Variants in LARS2 observed in about 807,000 individuals in gnomAD.
LARS2 encodes leucine--tRNA ligase, mitochondrial.
A neutral mutation model predicts 116.6 loss-of-function variants in LARS2; 81 were observed. The ratio of observed to expected loss-of-function variants is 0.69; its 90% CI spans 0.58 to 0.84. The LOEUF is 0.84. Ranked by LOEUF, LARS2 falls within the 40% of genes least tolerant of loss-of-function variation. The pLI, the probability that LARS2 is intolerant of heterozygous loss-of-function variation, is 0.00. For synonymous variants in LARS2, 396 were observed against 407.2 expected, an observed-to-expected ratio of 0.97 and a Z score of 0.33; for missense variants, 968 against 1,114.5, an observed-to-expected ratio of 0.87 and a Z score of 1.87.
chr3:45,434,948 A>G (rs918270902), intron 6 of LARS2, among the ~76,000 whole-genome samples: 1 of 152,202 alleles, frequency 6.6e-6, no homozygotes. Flanking sequence ...CAGCTGCCCA[A>G]GCTATAATTG....
In LARS2 at chr3:45,541,845, G is replaced by A. The variant is rs777901333; in HGVS notation, c.2421G>A (p.Pro807=). Residue 807 remains proline, a synonymous_variant, in exon 21 of 22, where the codon CCG becomes CCA. Coordinates refer to ENST00000645846, the MANE Select transcript of LARS2 (RefSeq NM_015340.4). ...GCATTGCAGGCCTGGCGCTGGTGCC[G>A]AGGAAGCTCTGTGCCCACTACACTT... ...SEIWAGLALV[P]RKLCAHYTWD... 5.1e-5 allele frequency: 82 copies of A among 1,614,040 alleles called. No individual in the cohort carries two copies. Among genetic ancestry groups the A allele is most frequent in the Middle Eastern group, 1.6e-4 (1 of 6,084 alleles).
At chr3:45,416,890 T>C (rs1261838170) in intron 4 of LARS2, among the ~76,000 whole-genome samples, 2 of 151,820 alleles carry the variant, frequency 1.3e-5, no homozygotes, top group Non-Finnish European at 2.9e-5. Context: ...CTGGCTGACA[T>C]GGTGAAACCC....
chr3:45,534,302 G>T (rs1475904460), intron 20 of LARS2, among the ~76,000 whole-genome samples: 2 of 152,012 alleles, frequency 1.3e-5, no homozygotes, highest in Non-Finnish European at 2.9e-5. Flanking sequence ...GAGAGAATGG[G>T]GAAATGATGC....
chr3:45,393,808 A>G (rs893049005), intron 2 of LARS2, among the ~76,000 whole-genome samples: 1 of 152,182 alleles, frequency 6.6e-6, no homozygotes, highest in South Asian at 2.1e-4. Context: ...TGAGTGAAAG[A>G]GCAGGACCCT....
At chr3:45,444,420 T>A (rs2125702687) in intron 6 of LARS2, among the ~76,000 whole-genome samples, 1 of 149,040 alleles carries the variant, frequency 6.7e-6, no homozygotes, top group Middle Eastern at 3.4e-3. Context: ...TCCCAGCACT[T>A]TGGGAGGCCG....
chr3:45,496,157 C>G (rs1246140278), intron 13 of LARS2, 118 bp from the exon 14 acceptor site: 5 of 784,142 alleles, frequency 6.4e-6, no homozygotes, highest in African/African-American at 3.4e-5. Flanking sequence ...CCACACCCAG[C>G]CTGTGGCTTT....
chr3:45,414,655 G>A (rs1407532410), intron 4 of LARS2, among the ~76,000 whole-genome samples: 3 of 152,020 alleles, frequency 2.0e-5, no homozygotes, highest in Non-Finnish European at 2.9e-5. Flanking sequence ...CTGGCAGCCA[G>A]GAGTTCGAGA....
intron 20 of LARS2, among the ~76,000 whole-genome samples, chr3:45,527,832 G>A (rs1438001157): frequency 6.6e-6 from 1 of 152,172 alleles, no homozygotes; most frequent in Non-Finnish European, 1.5e-5. Context: ...CAGTGTGACT[G>A]TCTGATGTTG....
chr3:45,493,334 C>T (rs113243959), intron 13 of LARS2, among the ~76,000 whole-genome samples: 5 of 152,288 alleles, frequency 3.3e-5, no homozygotes, highest in African/African-American at 9.6e-5. Context: ...CTCCTGACCT[C>T]GTGTTCTGCC....
At chr3:45,534,264 A>G (rs1231366142) in intron 20 of LARS2, among the ~76,000 whole-genome samples, 1 of 152,136 alleles carries the variant, frequency 6.6e-6, no homozygotes, top group African/African-American at 2.4e-5. Context: ...CCCCTAGGTC[A>G]TTACTCATGG....
rs146462942 is a variant in LARS2 at position 45,413,413 on chromosome 3, A to G, written c.364-4069A>G. Among the ~76,000 whole-genome samples the G allele has an allele frequency of 2.4e-4, 37 of 152,390 alleles. No individual in the cohort carries two copies. In the South Asian group the frequency reaches 4.6e-3, roughly 19 times the overall value. ...GGGTGCCTGTGCTGTGCCGGGCACC[A>G]TGCTAGATGTGCCACAGACATCATG... is the stretch of plus-strand genomic sequence containing the variant. On this transcript the variant is annotated intron_variant, in intron 4 of 21. Transcript: ENST00000645846.
At chr3:45,477,949 G>C (rs1401860213) in intron 10 of LARS2, among the ~76,000 whole-genome samples, 1 of 152,116 alleles carries the variant, frequency 6.6e-6, no homozygotes, top group Non-Finnish European at 1.5e-5. Flanking sequence ...TTTCTAAAGA[G>C]CCTGCTGCAT....
intron 5 of LARS2, among the ~76,000 whole-genome samples, chr3:45,418,470 G>T (rs1395237715): frequency 6.6e-6 from 1 of 152,180 alleles, no homozygotes; most frequent in Non-Finnish European, 1.5e-5. Context: ...GTGATAAAAA[G>T]AGGAGGAAAT....
chr3:45,399,120 G>C (rs564391935), intron 3 of LARS2, among the ~76,000 whole-genome samples: 34 of 152,204 alleles, frequency 2.2e-4, no homozygotes, highest in African/African-American at 7.5e-4. Flanking sequence ...CTGGTCTGAG[G>C]CTGCTTATTT....
chr3:45,408,599 A>C (rs555225166), intron 4 of LARS2, among the ~76,000 whole-genome samples: 2 of 152,312 alleles, frequency 1.3e-5, no homozygotes, highest in East Asian at 3.9e-4. Context: ...GAGAGGCCAG[A>C]AAATTTCTCT....
chr3:45,491,863 G>T (rs768210296), intron 13 of LARS2, 63 bp downstream of exon 13: 13 of 1,480,532 alleles, frequency 8.8e-6, no homozygotes, highest in South Asian at 1.2e-5. Flanking sequence ...TAGGGCTTCA[G>T]ACAGCCTCCT....
At position 45,394,598 on chromosome 3, in the gene LARS2, A is replaced by AAAG; in HGVS notation, c.147_149dup (p.Glu50dup). ...CTACAGTGCCACGGGAAAGTGGACA[A>AAAG]AAGAGTATACATTGCAGACAAGAAA... On this transcript the variant is annotated inframe_insertion, in exon 3 of 22. Coordinates refer to ENST00000645846, the MANE Select transcript of LARS2 (RefSeq NM_015340.4). 1 of 1,614,232 alleles carries AAAG rather than the reference A, an allele frequency of 6.2e-7. No homozygotes were observed. The highest frequency in any genetic ancestry group is 8.5e-7 in the Non-Finnish European group (1 of 1,180,036).
At chr3:45,538,991 A>C (rs527703432) in intron 20 of LARS2, among the ~76,000 whole-genome samples, 3 of 152,316 alleles carry the variant, frequency 2.0e-5, no homozygotes, top group East Asian at 3.9e-4. Flanking sequence ...CCTTATGGCA[A>C]ACAGGCACTT....
chr3:45,461,064 A>G (rs762712652), intron 8 of LARS2, among the ~76,000 whole-genome samples: 3 of 152,218 alleles, frequency 2.0e-5, no homozygotes, highest in Admixed American at 6.5e-5. Flanking sequence ...GCATTCCAAT[A>G]GAAATAGATC....
Sources: gnomAD v4.1 joint callset for allele counts (sites outside exome capture counted in the v4.1 genomes callset) on GRCh38, gnomAD v4.1.1 for gene constraint, MANE v1.5 for transcripts, NCBI Gene and HGNC (gene_info 2026-07-23, HGNC 2026-07-21) for gene names.